The following CADM2 variants were observed in gnomAD, a reference collection of about 807,000 sequenced individuals.
The protein encoded by CADM2 is immunoglobulin superfamily member 4D.
A neutral mutation model predicts 49.8 loss-of-function variants in CADM2; 12 were observed. That is an observed-to-expected ratio of 0.24 (90% confidence interval 0.15 to 0.39). CADM2 has a LOEUF of 0.39. Ranked by LOEUF, CADM2 falls within the 10% of genes least tolerant of loss-of-function variation. The pLI is 1.00. For missense variants in CADM2, 378 were observed against 492.3 expected (o/e 0.77, Z 2.20); for synonymous variants, 214 against 175.4 (o/e 1.22, Z -1.74).
intron 1 of CADM2, among the ~76,000 whole-genome samples, chr3:85,249,508 A>T (rs1161033171): frequency 6.6e-6 from 1 of 152,014 alleles, no homozygotes; most frequent in Non-Finnish European, 1.5e-5. Flanking sequence ...GGCTTCAGTA[A>T]CTTTTTAAGT....
intron 1 of CADM2, among the ~76,000 whole-genome samples, chr3:85,593,046 T>A (rs1307807076): frequency 1.3e-5 from 2 of 152,022 alleles, no homozygotes; most frequent in South Asian, 4.1e-4. Context: ...GTGGCCAGTG[T>A]CATGGTTCCT....
At chr3:85,394,991 A>C (rs2034700024) in intron 1 of CADM2, among the ~76,000 whole-genome samples, 1 of 152,152 alleles carries the variant, frequency 6.6e-6, no homozygotes, top group East Asian at 1.9e-4. Flanking sequence ...TTAATGTATG[A>C]TACTTAACAA....
At chr3:85,822,874 A>T (rs546967804) in intron 3 of CADM2, among the ~76,000 whole-genome samples, 1 of 152,242 alleles carries the variant, frequency 6.6e-6, no homozygotes, top group South Asian at 2.1e-4. Flanking sequence ...TTTTTCACTG[A>T]TTATTGTACT....
chr3:85,085,732 A>G (rs1357697252), intron 1 of CADM2, among the ~76,000 whole-genome samples: 1 of 152,178 alleles, frequency 6.6e-6, no homozygotes, highest in Non-Finnish European at 1.5e-5. Flanking sequence ...TTTAAACACA[A>G]ACTACACAAA....
At chr3:85,747,423 T>C (rs191502235) in intron 2 of CADM2, among the ~76,000 whole-genome samples, 2 of 152,240 alleles carry the variant, frequency 1.3e-5, no homozygotes, top group East Asian at 3.9e-4. Context: ...TATATTAATA[T>C]AAATAAATTG....
chr3:85,368,939 A>G (rs922409888), intron 1 of CADM2, among the ~76,000 whole-genome samples: 1 of 152,132 alleles, frequency 6.6e-6, no homozygotes, highest in African/African-American at 2.4e-5. Flanking sequence ...CTCCATCAGG[A>G]TAAAGAGACT....
At chr3:85,999,720 A>G (rs1056482947) in intron 8 of CADM2, among the ~76,000 whole-genome samples, 66 of 152,116 alleles carry the variant, frequency 4.3e-4, no homozygotes, top group Admixed American at 3.7e-3. Flanking sequence ...TAATTTTTAT[A>G]CAGGGAGTGG....
At chr3:85,859,816 T>A (rs1258726244) in intron 3 of CADM2, among the ~76,000 whole-genome samples, 1 of 152,164 alleles carries the variant, frequency 6.6e-6, no homozygotes, top group African/African-American at 2.4e-5. Flanking sequence ...TTCGCAAAAA[T>A]TTTTGAAAGA....
At chr3:85,787,510 A>G (rs1325493263) in intron 2 of CADM2, among the ~76,000 whole-genome samples, 1 of 152,090 alleles carries the variant, frequency 6.6e-6, no homozygotes, top group South Asian at 2.1e-4. Flanking sequence ...AACCCTGACT[A>G]TACCAAAATC....
chr3:85,934,888 A>C (rs1721015024), intron 6 of CADM2, among the ~76,000 whole-genome samples: 1 of 151,970 alleles, frequency 6.6e-6, no homozygotes. Context: ...TATTGTAGAG[A>C]ATGTGAAGAT....
intron 1 of CADM2, among the ~76,000 whole-genome samples, chr3:85,642,479 T>G (rs2064753993): frequency 6.6e-6 from 1 of 151,006 alleles, no homozygotes; most frequent in African/African-American, 2.4e-5. Flanking sequence ...GAATGGAAGG[T>G]TTTTAAAAAA....
At chr3:86,061,581 T>A (rs947124397) in intron 8 of CADM2, among the ~76,000 whole-genome samples, 4 of 152,136 alleles carry the variant, frequency 2.6e-5, no homozygotes, top group African/African-American at 9.7e-5. Context: ...TGTATGCATA[T>A]AATCTTATTG....
intron 7 of CADM2, among the ~76,000 whole-genome samples, chr3:85,944,362 A>G (rs754494296): frequency 2.0e-5 from 3 of 152,064 alleles, no homozygotes. Flanking sequence ...AGACAGATCA[A>G]CGAAACAGAA....
intron 1 of CADM2, among the ~76,000 whole-genome samples, chr3:85,182,697 TAC>T (rs2040965747): frequency 1.3e-5 from 2 of 152,080 alleles, no homozygotes; most frequent in African/African-American, 2.4e-5. Flanking sequence ...GAACCCTATA[TAC>T]GGTTGCATGT....
In CADM2 at chr3:85,715,309, A is replaced by C. The variant is rs17023217; in HGVS notation, c.62-11213A>C. Among the ~76,000 whole-genome samples the C allele has an allele frequency of 2.3e-3, 348 of 152,328 alleles. 7 individuals carry two copies. In the East Asian group the frequency reaches 0.046, roughly 20 times the overall value. ...CATTATTTTGCTGCACTATTTTACC[A>C]ATACCAATTATGAGCAAAAAGTATT... On this transcript the variant is annotated intron_variant, in intron 1 of 9. Coordinates refer to ENST00000383699, the MANE Select transcript of CADM2 (RefSeq NM_001167675.2).
intron 1 of CADM2, among the ~76,000 whole-genome samples, chr3:85,615,425 A>G (rs2063776658): frequency 6.6e-6 from 1 of 151,964 alleles, no homozygotes; most frequent in Admixed American, 6.6e-5. Context: ...GATATCCAAC[A>G]TGGGTTTAAA....
chr3:85,554,258 A>G (rs534806189), intron 1 of CADM2, among the ~76,000 whole-genome samples: 1 of 152,312 alleles, frequency 6.6e-6, no homozygotes, highest in East Asian at 1.9e-4. Flanking sequence ...GCAGTTCACA[A>G]TAGGGTTCCT....
intron 1 of CADM2, among the ~76,000 whole-genome samples, chr3:85,300,942 G>T (rs767063775): frequency 2.6e-5 from 4 of 152,062 alleles, no homozygotes; most frequent in Non-Finnish European, 1.5e-5. Flanking sequence ...AAGTAGGAAT[G>T]AGAGTTACGT....
chr3:85,015,230 T>G (rs919266821), intron 1 of CADM2, among the ~76,000 whole-genome samples: 1 of 152,008 alleles, frequency 6.6e-6, no homozygotes, highest in African/African-American at 2.4e-5. Flanking sequence ...CAGAAAAAAA[T>G]GTTTAGAAGT....
Sources: gnomAD v4.1 joint callset for allele counts (sites outside exome capture counted in the v4.1 genomes callset) on GRCh38, gnomAD v4.1.1 for gene constraint, MANE v1.5 for transcripts, NCBI Gene and HGNC (gene_info 2026-07-23, HGNC 2026-07-21) for gene names.